Variants in SND1 observed in about 807,000 individuals in gnomAD.
SND1 encodes staphylococcal nuclease domain-containing protein 1.
In SND1, 38 loss-of-function variants were observed where a neutral mutation model predicts 121.7. The ratio of observed to expected loss-of-function variants is 0.31; its 90% CI spans 0.24 to 0.41. The LOEUF (loss-of-function observed/expected upper bound fraction) is 0.41, where lower values mean the gene tolerates loss of function less well. Among genes scored for constraint, SND1 ranks in the 10% least tolerant of loss-of-function variants. SND1 has a pLI of 1.00. For missense variants in SND1, 868 were observed against 1,184.6 expected, an observed-to-expected ratio of 0.73 and a Z score of 3.92; for synonymous variants, 401 against 447.4, an observed-to-expected ratio of 0.90 and a Z score of 1.31.
At chr7:127,812,355 CATT>C (rs1382619937) in intron 11 of SND1, among the ~76,000 whole-genome samples, 3 of 152,172 alleles carry the variant, frequency 2.0e-5, no homozygotes, top group Admixed American at 2.0e-4. Flanking sequence ...GACAGTATCT[CATT>C]AGTCTTTGAG....
intron 14 of SND1, among the ~76,000 whole-genome samples, chr7:127,907,103 A>T (rs1239367548): frequency 6.6e-6 from 1 of 152,226 alleles, no homozygotes; most frequent in Non-Finnish European, 1.5e-5. Flanking sequence ...TGGGAGACTG[A>T]AAGTGAAAAA....
intron 10 of SND1, among the ~76,000 whole-genome samples, chr7:127,739,877 T>C (rs994738102): frequency 1.3e-5 from 2 of 152,214 alleles, no homozygotes; most frequent in African/African-American, 4.8e-5. Context: ...GAGAGTGGTC[T>C]CTGATATGTG....
intron 1 of SND1, among the ~76,000 whole-genome samples, chr7:127,666,632 T>C (rs911989184): frequency 1.3e-5 from 2 of 152,044 alleles, no homozygotes; most frequent in African/African-American, 2.4e-5. Flanking sequence ...AGCTGCGCTT[T>C]AGTGATAGCA....
chr7:127,722,528 A>AT (rs1187407682), intron 10 of SND1, among the ~76,000 whole-genome samples: 1 of 151,930 alleles, frequency 6.6e-6, no homozygotes, highest in East Asian at 1.9e-4. Flanking sequence ...AAAGGATGGG[A>AT]TAAAAAAAAT....
chr7:127,973,469 G>A (rs1802046630), intron 15 of SND1, among the ~76,000 whole-genome samples: 1 of 152,184 alleles, frequency 6.6e-6, no homozygotes, highest in African/African-American at 2.4e-5. Flanking sequence ...CTTAGATTGA[G>A]AAGAGGTAGG....
intron 1 of SND1, among the ~76,000 whole-genome samples, chr7:127,680,019 G>A (rs1319534265): frequency 6.6e-6 from 1 of 152,160 alleles, no homozygotes; most frequent in Non-Finnish European, 1.5e-5. Flanking sequence ...CGGCTGGTTT[G>A]AGAAATAAAG....
chr7:127,851,257 T>C (rs551086045), intron 12 of SND1, among the ~76,000 whole-genome samples: 1 of 152,352 alleles, frequency 6.6e-6, no homozygotes, highest in African/African-American at 2.4e-5. Flanking sequence ...TGTGGATGGA[T>C]GACTTGAATA....
rs1793675571 is a variant in SND1 at position 128,085,616 on chromosome 7, G to A, written c.2235-95G>A. 2 of 1,105,370 alleles carry A rather than the reference G, an allele frequency of 1.8e-6. No homozygotes were observed. Among genetic ancestry groups the A allele is most frequent in the Non-Finnish European group, 1.4e-6 (1 of 729,740 alleles). The allele number at this position is 1,105,370 out of a possible 1,614,324, so 68.5% of individuals were successfully genotyped here. A position where few individuals can be genotyped will look rare whatever the true frequency, so the allele number is the denominator to read the frequency against. ...TGTGACACCCGTTGAACCCAGGCAG[G>A]GAAATGCTGTGCCCCTGCCCCGCCA... On this transcript the variant is annotated intron_variant, in intron 19 of 23. Coordinates refer to ENST00000354725, the MANE Select transcript of SND1 (RefSeq NM_014390.4). The surrounding 1 kb of genome is among the most constrained non-coding windows in gnomAD (Gnocchi z 4.4).
chr7:127,768,148 C>T (rs1797453030), intron 10 of SND1, among the ~76,000 whole-genome samples: 1 of 152,154 alleles, frequency 6.6e-6, no homozygotes, highest in African/African-American at 2.4e-5. Flanking sequence ...TTATCTCTCA[C>T]CACCTCATTA....
At chr7:127,867,961 C>T (rs1442633091) in intron 12 of SND1, among the ~76,000 whole-genome samples, 2 of 152,084 alleles carry the variant, frequency 1.3e-5, no homozygotes, top group Non-Finnish European at 2.9e-5. Context: ...CTGGAACATA[C>T]ATTTCATCTG....
chr7:127,776,373 G>A (rs1033910356), intron 10 of SND1, among the ~76,000 whole-genome samples: 6 of 152,052 alleles, frequency 3.9e-5, no homozygotes, highest in Non-Finnish European at 7.4e-5. Context: ...ATTTAAGAAA[G>A]ACATTAAGTC....
intron 11 of SND1, among the ~76,000 whole-genome samples, chr7:127,831,394 T>C (rs1798735966): frequency 6.6e-6 from 1 of 152,220 alleles, no homozygotes; most frequent in African/African-American, 2.4e-5. Context: ...TATTAGATTG[T>C]CAGTGATCAG....
At chr7:127,930,928 G>A (rs997077479) in intron 15 of SND1, among the ~76,000 whole-genome samples, 1 of 152,104 alleles carries the variant, frequency 6.6e-6, no homozygotes, top group Admixed American at 6.5e-5. Flanking sequence ...AGCAGCATGT[G>A]TCTATCACAT....
intron 10 of SND1, among the ~76,000 whole-genome samples, chr7:127,793,367 A>G (rs1410577938): frequency 6.6e-6 from 1 of 152,206 alleles, no homozygotes; most frequent in Non-Finnish European, 1.5e-5. Context: ...AAGTAAAGCT[A>G]TCATAATTCC....
intron 11 of SND1, among the ~76,000 whole-genome samples, chr7:127,825,860 C>T (rs1206860147): frequency 6.6e-6 from 1 of 152,158 alleles, no homozygotes; most frequent in African/African-American, 2.4e-5. Context: ...TTCACTTATA[C>T]ATTTATATTC....
Position 127,732,173 on chromosome 7 carries a change from G to A in SND1, c.1152+10773G>A, listed in dbSNP as rs193049359. Among the ~76,000 whole-genome samples the A allele has an allele frequency of 1.2e-3, 185 of 152,306 alleles. 1 individual carries two copies. The highest frequency in any genetic ancestry group is 2.0e-3 in the Non-Finnish European group (137 of 68,024). The stretch of plus-strand genomic sequence containing the variant: ...TTTGTTTGTTTCTTTGTTTGCTTTT[G>A]CGTTTTGACTTGCCAGCATTTCTGG... On this transcript the variant is annotated intron_variant, in intron 10 of 23. Coordinates refer to ENST00000354725, the MANE Select transcript of SND1 (RefSeq NM_014390.4).
chr7:128,016,690 A>T (rs1381364645), intron 16 of SND1, among the ~76,000 whole-genome samples: 2 of 152,224 alleles, frequency 1.3e-5, no homozygotes, highest in African/African-American at 4.8e-5. Context: ...CTTTCTCTAA[A>T]GTCACATGAT....
intron 12 of SND1, 52 bp from the exon 13 acceptor site, chr7:127,887,850 C>T: frequency 8.4e-7 from 1 of 1,196,438 alleles, no homozygotes; most frequent in South Asian, 1.2e-5. Context: ...TTTCTGTTGA[C>T]TGAGCCCCAT....
chr7:127,862,979 AT>A (rs1275803038), intron 12 of SND1, among the ~76,000 whole-genome samples: 8 of 152,160 alleles, frequency 5.3e-5, no homozygotes, highest in South Asian at 4.1e-4. Context: ...CTATATTTTG[AT>A]TTTTTTCTTC....
Sources: allele counts gnomAD v4.1 joint callset (sites outside exome capture counted in the v4.1 genomes callset), GRCh38; gene constraint gnomAD v4.1.1; non-coding constraint Gnocchi (gnomAD v3.1); transcripts MANE v1.5; gene names NCBI Gene and HGNC (gene_info 2026-07-23, HGNC 2026-07-21).